The following SH3RF1 variants were observed in gnomAD, a reference collection of about 807,000 sequenced individuals.
SH3RF1 encodes SH3 domain containing ring finger 1.
SH3RF1 carries 32 observed loss-of-function variants against 74.0 expected under a neutral mutation model. The observed-to-expected ratio is 0.43, with a 90% confidence interval of 0.33 to 0.58. The LOEUF (loss-of-function observed/expected upper bound fraction) is 0.58, where lower values mean the gene tolerates loss of function less well. Ranked by LOEUF, SH3RF1 falls within the 20% of genes least tolerant of loss-of-function variation. The probability of loss-of-function intolerance (pLI) is 0.05; values close to 1 mark genes in which losing one functional copy is unlikely to be tolerated. For synonymous variants in SH3RF1, 396 were observed against 439.6 expected, an observed-to-expected ratio of 0.90 and a Z score of 1.24; for missense variants, 954 against 1,130.9, an observed-to-expected ratio of 0.84 and a Z score of 2.24.
intron 2 of SH3RF1, chr4:169,217,174 A>T (rs2126999244): frequency 6.6e-6 from 1 of 152,288 alleles, no homozygotes; most frequent in East Asian, 1.9e-4. Flanking sequence ...AAAAAAAAAA[A>T]AAAAAGTGAG....
At chr4:169,117,927 T>C in intron 8 of SH3RF1, 145 bp from the exon 9 acceptor site, 8 of 1,125,204 alleles carry the variant, frequency 7.1e-6, no homozygotes, top group Middle Eastern at 2.4e-4. Flanking sequence ...AGTTTAAGAA[T>C]AGAAAATTCA....
In SH3RF1 at chr4:169,141,812, C is replaced by CTT. The variant is rs35864108; in HGVS notation, c.766-5194_766-5193dup. On this transcript the variant is annotated intron_variant, in intron 4 of 11. Coordinates refer to ENST00000284637, the MANE Select transcript of SH3RF1 (RefSeq NM_020870.4). ...GCCACCATGGCCCGCCTAATTTTTG[C>CTT]TTTTTTTTTTTTTTTTTTGAGATGG... 1.6e-3 allele frequency among the ~76,000 whole-genome samples: 187 copies of CTT among 118,492 alleles called. 2 individuals carry two copies. The highest frequency in any genetic ancestry group is 4.8e-3 in the African/African-American group (149 of 31,354). The allele number at this position is 118,492 out of a possible 152,430, so 77.7% of individuals were successfully genotyped here.
At chr4:169,234,159 C>A (rs1470810092) in intron 2 of SH3RF1, among the ~76,000 whole-genome samples, 2 of 152,052 alleles carry the variant, frequency 1.3e-5, no homozygotes, top group Non-Finnish European at 2.9e-5. Context: ...TTGCTCATCC[C>A]CACCTGCCAG....
intron 11 of SH3RF1, among the ~76,000 whole-genome samples, chr4:169,105,242 T>C (rs1733114506): frequency 6.6e-6 from 1 of 152,102 alleles, no homozygotes; most frequent in Non-Finnish European, 1.5e-5. Context: ...ACAGAAACAA[T>C]AAAACAGATG....
At chr4:169,132,771 A>C (rs941530453) in intron 5 of SH3RF1, among the ~76,000 whole-genome samples, 1 of 152,144 alleles carries the variant, frequency 6.6e-6, no homozygotes, top group Non-Finnish European at 1.5e-5. Flanking sequence ...AGAAACACTG[A>C]ATATTATGAA....
chr4:169,266,140 G>A (rs1479603953), intron 2 of SH3RF1, among the ~76,000 whole-genome samples: 1 of 152,120 alleles, frequency 6.6e-6, no homozygotes, highest in Non-Finnish European at 1.5e-5. Flanking sequence ...AAATTAGGCA[G>A]GAAACACTAA....
intron 2 of SH3RF1, among the ~76,000 whole-genome samples, chr4:169,245,357 A>T (rs919988138): frequency 2.0e-5 from 3 of 152,192 alleles, no homozygotes; most frequent in African/African-American, 7.2e-5. Flanking sequence ...TTGAGTAATG[A>T]TTGTGTATAC....
chr4:169,138,263 G>A (rs975284124), intron 4 of SH3RF1, among the ~76,000 whole-genome samples: 6 of 152,188 alleles, frequency 3.9e-5, no homozygotes, highest in African/African-American at 1.2e-4. Flanking sequence ...TCACTGTAGA[G>A]CTCTAATAAA....
intron 2 of SH3RF1, chr4:169,220,227 T>A (rs1730544306): frequency 6.6e-6 from 1 of 152,242 alleles, no homozygotes; most frequent in Non-Finnish European, 1.5e-5. Flanking sequence ...TAAATTCACA[T>A]GTATTTCCTT....
At chr4:169,260,420 T>C (rs1027323723) in intron 2 of SH3RF1, among the ~76,000 whole-genome samples, 1 of 152,136 alleles carries the variant, frequency 6.6e-6, no homozygotes, top group Non-Finnish European at 1.5e-5. Context: ...CAGACCACAG[T>C]TGCAGGCCAG....
At chr4:169,218,455 T>C (rs1249939492) in intron 2 of SH3RF1, among the ~76,000 whole-genome samples, 1 of 145,090 alleles carries the variant, frequency 6.9e-6, no homozygotes, top group Non-Finnish European at 1.5e-5. Flanking sequence ...ACATGTTATA[T>C]AATATATATA....
intron 2 of SH3RF1, among the ~76,000 whole-genome samples, chr4:169,176,964 C>T (rs765478308): frequency 6.6e-6 from 1 of 152,068 alleles, no homozygotes; most frequent in African/African-American, 2.4e-5. Context: ...GACAGGGTTT[C>T]GCTATGTTGC....
chr4:169,194,903 T>C (rs1734785104), intron 2 of SH3RF1, among the ~76,000 whole-genome samples: 1 of 152,198 alleles, frequency 6.6e-6, no homozygotes, highest in African/African-American at 2.4e-5. Flanking sequence ...GAGCACCTTT[T>C]CAAAAGACTA....
At chr4:169,147,077 G>A (rs911332267) in intron 4 of SH3RF1, among the ~76,000 whole-genome samples, 1 of 152,188 alleles carries the variant, frequency 6.6e-6, no homozygotes, top group Non-Finnish European at 1.5e-5. Flanking sequence ...TGGTGCTGGG[G>A]AGAGAGACCA....
intron 10 of SH3RF1, among the ~76,000 whole-genome samples, chr4:169,110,743 T>C (rs1167664175): frequency 6.6e-6 from 1 of 152,182 alleles, no homozygotes; most frequent in Non-Finnish European, 1.5e-5. Context: ...TGACCTTATG[T>C]GGCCCACCTG....
intron 2 of SH3RF1, among the ~76,000 whole-genome samples, chr4:169,236,858 C>A (rs1159878612): frequency 1.3e-5 from 2 of 152,042 alleles, no homozygotes; most frequent in Non-Finnish European, 2.9e-5. Flanking sequence ...CTGACAGACA[C>A]AAAAGACTGA....
intron 10 of SH3RF1, among the ~76,000 whole-genome samples, chr4:169,107,725 G>A (rs978271476): frequency 2.0e-5 from 3 of 152,122 alleles, no homozygotes; most frequent in African/African-American, 7.2e-5. Context: ...TATTCCACAG[G>A]CATGGACGTG....
chr4:169,151,506 C>T (rs1733975332), intron 4 of SH3RF1, among the ~76,000 whole-genome samples: 2 of 152,124 alleles, frequency 1.3e-5, no homozygotes, highest in African/African-American at 2.4e-5. Flanking sequence ...AAGCTTTCTC[C>T]CACTATGGCA....
chr4:169,198,509 T>C (rs1734858392), intron 2 of SH3RF1, among the ~76,000 whole-genome samples: 2 of 152,190 alleles, frequency 1.3e-5, no homozygotes, highest in African/African-American at 4.8e-5. Context: ...AAATATAGTA[T>C]ATATGTATTA....
Sources: gnomAD v4.1 joint callset for allele counts (sites outside exome capture counted in the v4.1 genomes callset) on GRCh38, gnomAD v4.1.1 for gene constraint, MANE v1.5 for transcripts, NCBI Gene and HGNC (gene_info 2026-07-23, HGNC 2026-07-21) for gene names.